ARAP2: variants seen among roughly 807,000 people sequenced by gnomAD.
The protein encoded by ARAP2 is arf-GAP with Rho-GAP domain, ANK repeat and PH domain-containing protein 2.
In ARAP2, 148 loss-of-function variants were observed where a neutral mutation model predicts 194.5. The ratio of observed to expected loss-of-function variants is 0.76; its 90% CI spans 0.67 to 0.87. The LOEUF is 0.87. ARAP2 is among the 40% of genes least tolerant of loss of function. The probability of loss-of-function intolerance (pLI) is 0.00; values close to 1 mark genes in which losing one functional copy is unlikely to be tolerated. For missense variants in ARAP2, 2,128 were observed against 1,989.7 expected (o/e 1.07, Z -1.32); for synonymous variants, 695 against 683.5 (o/e 1.02, Z -0.26).
rs1181898359 is a variant in ARAP2, at chr4:36,014,324, GAGAAAGAAAGAAAGAAAGAAAGAAAGAA to G, written n.1056+1034_1056+1061del. ...AGAGAAGGAAGGAAAGAAAGAAAGA[GAGAAAGAAAGAAAGAAAGAAAGAAAGAA>G]AGAAAGAAAGAAAGAAAGAAAGAAA... On this transcript the variant is annotated intron_variant and non_coding_transcript_variant, in intron 8 of 12. Transcript: ENST00000503225. Among the ~76,000 whole-genome samples, 93 of 109,848 alleles carry G rather than the reference GAGAAAGAAAGAAAGAAAGAAAGAAAGAA, an allele frequency of 8.5e-4. 1 individual carries two copies. Among genetic ancestry groups the G allele is most frequent in the Admixed American group, 1.5e-3 (17 of 11,192 alleles). The allele number at this position is 109,848 out of a possible 152,430, so 72.1% of individuals were successfully genotyped here.
At chr4:36,244,658 C>T (rs758703181), upstream of ARAP2, 1 of 152,234 alleles carries the variant, frequency 6.6e-6, no homozygotes, top group Non-Finnish European at 1.5e-5. Flanking sequence ...GCCTGGCACC[C>T]TCGCCACCTG....
intron 17 of ARAP2, 40 bp downstream of exon 17, chr4:36,148,365 T>A (rs765331829): frequency 6.7e-7 from 1 of 1,494,946 alleles, no homozygotes; most frequent in South Asian, 1.2e-5. Context: ...CAGTTCACAA[T>A]CTTCTCTGGA....
At chr4:36,113,924 C>G (rs1720667116) in intron 26 of ARAP2, among the ~76,000 whole-genome samples, 1 of 151,894 alleles carries the variant, frequency 6.6e-6, no homozygotes, top group Non-Finnish European at 1.5e-5. Flanking sequence ...CAAAGGTCTT[C>G]TTTTCTGAGG....
chr4:36,178,446 C>T (rs1307289574), intron 8 of ARAP2, among the ~76,000 whole-genome samples: 4 of 152,294 alleles, frequency 2.6e-5, no homozygotes, highest in South Asian at 4.1e-4. Context: ...TACTCAAAGA[C>T]CCCGAAAATC....
chr4:36,225,582 CAGTTAAAAGG>C (rs1750127968), intron 2 of ARAP2, among the ~76,000 whole-genome samples: 1 of 151,988 alleles, frequency 6.6e-6, no homozygotes, highest in Non-Finnish European at 1.5e-5. Flanking sequence ...GCCAGCCCTC[CAGTTAAAAGG>C]AGCAGGCAGG....
chr4:36,109,504 C>T (rs1226423690), intron 26 of ARAP2, among the ~76,000 whole-genome samples: 1 of 151,774 alleles, frequency 6.6e-6, no homozygotes, highest in Non-Finnish European at 1.5e-5. Context: ...CATCATAAAG[C>T]CAGATAAAAT....
At chr4:36,045,810 A>T (rs1270773864) in intron 5 of ARAP2, among the ~76,000 whole-genome samples, 1 of 152,192 alleles carries the variant, frequency 6.6e-6, no homozygotes, top group African/African-American at 2.4e-5. Flanking sequence ...TTGTACCCCA[A>T]AAAGATATGC....
intron 19 of ARAP2, among the ~76,000 whole-genome samples, chr4:36,140,363 T>G (rs573616701): frequency 6.3e-4 from 95 of 151,902 alleles, no homozygotes; most frequent in Admixed American, 2.8e-3. Flanking sequence ...CTTCATAATT[T>G]TCTTTAACAT....
At chr4:36,137,963 A>G (rs1727242347) in intron 19 of ARAP2, among the ~76,000 whole-genome samples, 1 of 151,706 alleles carries the variant, frequency 6.6e-6, no homozygotes, top group Non-Finnish European at 1.5e-5. Context: ...ATGATCTACT[A>G]AAGCCACTCA....
chr4:36,126,430 G>A (rs1380343720), intron 21 of ARAP2, among the ~76,000 whole-genome samples: 1 of 151,898 alleles, frequency 6.6e-6, no homozygotes, highest in Non-Finnish European at 1.5e-5. Flanking sequence ...AAAATACAAT[G>A]AGCAATTCAA....
intron 5 of ARAP2, among the ~76,000 whole-genome samples, chr4:36,042,539 C>T (rs1721040404): frequency 6.6e-6 from 1 of 152,154 alleles, no homozygotes; most frequent in Non-Finnish European, 1.5e-5. Flanking sequence ...AGATTAGGCA[C>T]TTGTAACTGT....
At chr4:36,005,606 C>T (rs1459005473) in intron 10 of ARAP2, 1 of 152,058 alleles carries the variant, frequency 6.6e-6, no homozygotes, top group African/African-American at 2.4e-5. Context: ...ACAAATGAGG[C>T]TAGTCAAAAT....
At chr4:36,145,633 T>C (rs559990799) in intron 19 of ARAP2, among the ~76,000 whole-genome samples, 1 of 152,066 alleles carries the variant, frequency 6.6e-6, no homozygotes, top group African/African-American at 2.4e-5. Flanking sequence ...CTACACAATA[T>C]ATCCATGCAA....
intron 28 of ARAP2, among the ~76,000 whole-genome samples, chr4:36,087,208 T>C (rs773552108): frequency 6.6e-6 from 1 of 152,048 alleles, no homozygotes; most frequent in Non-Finnish European, 1.5e-5. Flanking sequence ...TCAATATTAA[T>C]AGGGACAGAT....
At chr4:36,115,825 G>T (rs1266578406) in intron 25 of ARAP2, among the ~76,000 whole-genome samples, 1 of 151,936 alleles carries the variant, frequency 6.6e-6, no homozygotes, top group African/African-American at 2.4e-5. Flanking sequence ...AATAGTTTTT[G>T]TTATTTTCTA....
chr4:36,212,087 T>TAACCTTTATGTTATGAGAGGTTA (rs11270916), intron 5 of ARAP2, among the ~76,000 whole-genome samples: 9 of 150,140 alleles, frequency 6.0e-5, no homozygotes, highest in Non-Finnish European at 8.9e-5. Flanking sequence ...CTCCTTTTTA[T>TAACCTTTATGTTATGAGAGGTTA]TAACATAACC....
At chr4:36,133,125 T>A in intron 20 of ARAP2, 101 bp downstream of exon 20, 2 of 1,141,642 alleles carry the variant, frequency 1.8e-6, no homozygotes, top group East Asian at 5.2e-5. Flanking sequence ...TACTTACAAA[T>A]ATAAAGGGTT....
intron 6 of ARAP2, among the ~76,000 whole-genome samples, chr4:36,196,652 G>A (rs1743172747): frequency 6.6e-6 from 1 of 152,160 alleles, no homozygotes; most frequent in Non-Finnish European, 1.5e-5. Flanking sequence ...ACCACAGGGT[G>A]TAGCAGATGA....
intron 20 of ARAP2, among the ~76,000 whole-genome samples, chr4:36,131,822 T>C (rs946321592): frequency 6.6e-6 from 1 of 151,792 alleles, no homozygotes; most frequent in Admixed American, 6.6e-5. Flanking sequence ...GTACTAACAC[T>C]GAGTGACTGT....
Sources: allele counts gnomAD v4.1 joint callset (sites outside exome capture counted in the v4.1 genomes callset), GRCh38; gene constraint gnomAD v4.1.1; transcripts MANE v1.5; gene names NCBI Gene and HGNC (gene_info 2026-07-23, HGNC 2026-07-21).